The following CRIPT variants were observed in gnomAD, a reference collection of about 807,000 sequenced individuals.
CRIPT encodes the protein cysteine-rich PDZ-binding protein.
In CRIPT, 20 loss-of-function variants were observed where a neutral mutation model predicts 16.6. The observed-to-expected ratio is 1.20, with a 90% confidence interval of 0.85 to 1.75. The LOEUF is 1.75. Ranked by LOEUF, CRIPT falls within the 40% of genes most tolerant of loss-of-function variation. The pLI is 0.00. For synonymous variants in CRIPT, 42 were observed against 37.0 expected (o/e 1.14, Z -0.49); for missense variants, 133 against 115.3 (o/e 1.15, Z -0.70).
At chr2:46,619,531 C>A in intron 2 of CRIPT, 96 bp from the exon 3 acceptor site, 1 of 708,106 alleles carries the variant, frequency 1.4e-6, no homozygotes, top group Non-Finnish European at 2.3e-6. Flanking sequence ...TAGATATAGA[C>A]TACTATTTTG....
In CRIPT at chr2:46,627,763, A is replaced by G. The variant is rs931923289; in HGVS notation, c.*3536A>G. On this transcript the variant is annotated 3_prime_UTR_variant, in exon 5 of 5. Coordinates refer to ENST00000238892, the MANE Select transcript of CRIPT (RefSeq NM_014171.6). Reference sequence around the variant, plus strand: ...CCCGGCCCCTTATATTTAAATCTTTAATCTATCTTGAGGTAATTTTATATA... The same window carrying G: ...CCCGGCCCCTTATATTTAAATCTTTGATCTATCTTGAGGTAATTTTATATA... Among the ~76,000 whole-genome samples, 6 of 152,004 alleles carry G rather than the reference A, an allele frequency of 3.9e-5. No homozygotes were observed. Among genetic ancestry groups the G allele is most frequent in the African/African-American group, 1.4e-4 (6 of 41,382 alleles).
At chr2:46,622,659 C>CA (rs1366415121) in intron 3 of CRIPT, among the ~76,000 whole-genome samples, 2 of 150,244 alleles carry the variant, frequency 1.3e-5, no homozygotes, top group Admixed American at 6.6e-5. Flanking sequence ...ACTAAAAATA[C>CA]AAAATTAGCC....
chr2:46,627,314 A>AATTTTT lies in CRIPT; in HGVS notation c.*3088_*3093dup. ...TTAGTTTGATTAGGTTCCACTTGTC[A>AATTTTT]ATTTTTGTTTTTGTTGCAATTGCTT... On this transcript the variant is annotated 3_prime_UTR_variant, in exon 5 of 5. Transcript: ENST00000238892. 6.6e-6 allele frequency among the ~76,000 whole-genome samples: 1 copy of AATTTTT among 152,040 alleles called. No homozygotes were observed. The highest frequency in any genetic ancestry group is 1.5e-5 in the Non-Finnish European group (1 of 67,992).
At chr2:46,624,035 A>G (rs543523333) in intron 4 of CRIPT, 128 bp from the exon 5 acceptor site, 203 of 390,184 alleles carry the variant, frequency 5.2e-4, no homozygotes, top group African/African-American at 4.1e-3. Context: ...TTATATATAT[A>G]TATATATTTT....
In CRIPT at chr2:46,625,666, G is replaced by A. The variant is rs1326756852; in HGVS notation, c.*1439G>A. ...GGCTTTTCAAAATGTGTTTTTCTGA[G>A]ATACATTGTTATTTATTCATATCCA... On this transcript the variant is annotated 3_prime_UTR_variant, in exon 5 of 5. Transcript: ENST00000238892. The A allele has an allele frequency of 6.6e-6, 1 of 151,924 alleles. No individual in the cohort carries two copies. Among genetic ancestry groups the A allele is most frequent in the Non-Finnish European group, 1.5e-5 (1 of 67,968 alleles). The allele number at this position is 151,924 out of a possible 1,614,324, so 9.4% of individuals were successfully genotyped here.
At chr2:46,623,125 A>C (rs60441767) in intron 3 of CRIPT, among the ~76,000 whole-genome samples, 1 of 152,220 alleles carries the variant, frequency 6.6e-6, no homozygotes, top group Non-Finnish European at 1.5e-5. Flanking sequence ...GTAAGCAGTC[A>C]TTAAAAGATA....
At position 46,624,741 on chromosome 2, in the gene CRIPT, C is replaced by A. The variant is rs1398918531; in HGVS notation, c.*514C>A. The A allele has an allele frequency of 6.6e-6, 1 of 152,162 alleles. No homozygotes were observed. The highest frequency in any genetic ancestry group is 1.5e-5 in the Non-Finnish European group (1 of 68,028). The allele number at this position is 152,162 out of a possible 1,614,324, so 9.4% of individuals were successfully genotyped here. A position where few individuals can be genotyped will look rare whatever the true frequency, so the allele number is the denominator to read the frequency against. On this transcript the variant is annotated 3_prime_UTR_variant, in exon 5 of 5. Transcript: ENST00000238892. ...TTTAGTTATTAACCTAGACCCAAAT[C>A]AAAGACCAGTTGGATTTATGATATT...
intron 1 of CRIPT, 85 bp from the exon 2 acceptor site, chr2:46,618,672 AATACCATTGATAGTCG>A (rs1236871038): frequency 2.6e-5 from 17 of 658,348 alleles, no homozygotes; most frequent in Non-Finnish European, 4.1e-5. Flanking sequence ...CTCCTACGGT[AATACCATTGATAGTCG>A]ATACCATTGT....
In CRIPT at chr2:46,623,835, C is replaced by T; in HGVS notation, c.209C>T (p.Ser70Phe). The T allele has an allele frequency of 6.2e-7, 1 of 1,610,930 alleles. No individual in the cohort carries two copies. Among genetic ancestry groups the T allele is most frequent in the East Asian group, 2.2e-5 (1 of 44,664 alleles). The change falls in exon 4 of 5, where the codon TCT (serine) becomes TTT (phenylalanine). Residue 70 changes from serine to phenylalanine, a missense_variant. Ser to Phe is a radical substitution (Grantham distance 155). Transcript: ENST00000238892. ...ICKSSVHQPGSHYCQGCAYKK... is the reference protein window; with the variant it reads ...ICKSSVHQPGFHYCQGCAYKK... ...AAAAGTTCTGTGCACCAACCAGGTT[C>T]TCATTACTGCCAGGGCTGTGCCTAC...
chr2:46,617,376 CGTT>C (rs906744846), intron 1 of CRIPT, 78 bp downstream of exon 1: 86 of 1,490,032 alleles, frequency 5.8e-5, no homozygotes, highest in Admixed American at 2.6e-4. Context: ...TTTGCTTTCT[CGTT>C]GTTTTTTCTT....
At chr2:46,617,424 C>G (rs564435573) in intron 1 of CRIPT, 126 bp downstream of exon 1, 2 of 1,084,968 alleles carry the variant, frequency 1.8e-6, no homozygotes, top group South Asian at 3.1e-5. Flanking sequence ...CGCTGTCTTT[C>G]TACCCTACCC....
At chr2:46,622,630 A>G (rs1425934148) in intron 3 of CRIPT, among the ~76,000 whole-genome samples, 1 of 151,774 alleles carries the variant, frequency 6.6e-6, no homozygotes, top group African/African-American at 2.4e-5. Context: ...CCTGACCAAC[A>G]TGGAGAAACC....
intron 3 of CRIPT, among the ~76,000 whole-genome samples, chr2:46,623,442 C>G (rs906754633): frequency 6.6e-6 from 1 of 152,204 alleles, no homozygotes; most frequent in Admixed American, 6.5e-5. Flanking sequence ...GAATCAGTCA[C>G]TCTTTTTGCA....
intron 3 of CRIPT, among the ~76,000 whole-genome samples, chr2:46,623,422 A>C (rs1323136041): frequency 6.6e-6 from 1 of 152,216 alleles, no homozygotes; most frequent in Non-Finnish European, 1.5e-5. Flanking sequence ...ATAGTCACTT[A>C]GGTTATATGG....
In CRIPT at chr2:46,626,560, G is replaced by A. The variant is rs372429217; in HGVS notation, c.*2333G>A. The stretch of plus-strand genomic sequence containing the variant: ...AATTTGCATTTCCATCAGTGTAGGC[G>A]CATTCTACACTGCACTGGCTTCTAC... On this transcript the variant is annotated 3_prime_UTR_variant, in exon 5 of 5. Transcript: ENST00000238892. Among the ~76,000 whole-genome samples the A allele has an allele frequency of 6.6e-6, 1 of 152,108 alleles. No individual in the cohort carries two copies. Among genetic ancestry groups the A allele is most frequent in the Non-Finnish European group, 1.5e-5 (1 of 68,010 alleles).
chr2:46,624,236 A>T lies in CRIPT; in HGVS notation c.*9A>T, dbSNP rs1670880585. On this transcript the variant is annotated 3_prime_UTR_variant, in exon 5 of 5. Transcript: ENST00000238892. ...AGCAAACATCTGTCTAGATGTATTG[A>T]TGGAATTTCTGGCTTTCTAAATGAT... The T allele has an allele frequency of 6.5e-7, 1 of 1,536,868 alleles. No homozygotes were observed. Among genetic ancestry groups the T allele is most frequent in the Non-Finnish European group, 8.8e-7 (1 of 1,133,906 alleles).
At position 46,622,612 on chromosome 2, in the gene CRIPT, G is replaced by A. The variant is rs747966755; in HGVS notation, c.138-1152G>A. ...GCGGATCTCCTGAGGTTGGGAGTTC[G>A]AGACCAGCCTGACCAACATGGAGAA... On this transcript the variant is annotated intron_variant, in intron 3 of 4. Transcript: ENST00000238892. Among the ~76,000 whole-genome samples, 4 of 151,780 alleles carry A rather than the reference G, an allele frequency of 2.6e-5. No homozygotes were observed. The South Asian group carries it at 6.2e-4, about 24-fold the overall frequency.
intron 3 of CRIPT, among the ~76,000 whole-genome samples, chr2:46,623,092 G>C (rs1299650816): frequency 6.6e-6 from 1 of 151,992 alleles, no homozygotes; most frequent in Non-Finnish European, 1.5e-5. Flanking sequence ...GATTGAGTCA[G>C]TTAATTAAAA....
At position 46,626,624 on chromosome 2, in the gene CRIPT, C is replaced by T. The variant is rs1352817164; in HGVS notation, c.*2397C>T. Among the ~76,000 whole-genome samples the T allele has an allele frequency of 6.6e-6, 1 of 152,130 alleles. No individual in the cohort carries two copies. Among genetic ancestry groups the T allele is most frequent in the Admixed American group, 6.5e-5 (1 of 15,268 alleles). Reference sequence around the variant, plus strand: ...TCCGTTTTTCCCACAGCCTCACCAGCATCTGTTATTTTTTTGACTTTTTGA... The same window carrying T: ...TCCGTTTTTCCCACAGCCTCACCAGTATCTGTTATTTTTTTGACTTTTTGA... On this transcript the variant is annotated 3_prime_UTR_variant, in exon 5 of 5. Transcript: ENST00000238892.
Sources: allele counts gnomAD v4.1 joint callset (sites outside exome capture counted in the v4.1 genomes callset), GRCh38; gene constraint gnomAD v4.1.1; transcripts MANE v1.5; gene names NCBI Gene and HGNC (gene_info 2026-07-23, HGNC 2026-07-21).